Variants in SELENOP observed in about 807,000 individuals in gnomAD.
SELENOP encodes selenoprotein P.
A neutral mutation model predicts 41.0 loss-of-function variants in SELENOP; 36 were observed. That is an observed-to-expected ratio of 0.88 (90% CI 0.67 to 1.16). SELENOP has a LOEUF of 1.16. SELENOP is among the 50% of genes most tolerant of loss of function. SELENOP has a pLI of 0.00. For missense variants in SELENOP, 440 were observed against 454.2 expected (o/e 0.97, Z 0.28); for synonymous variants, 144 against 150.8 (o/e 0.95, Z 0.33).
chr5:42,804,393 G>A (rs1347393881), intron 4 of SELENOP, among the ~76,000 whole-genome samples: 2 of 152,118 alleles, frequency 1.3e-5, no homozygotes, highest in African/African-American at 4.8e-5. Context: ...CCCGGGAGGC[G>A]GAGCTTGCAG....
rs888775816 is a variant in SELENOP at position 42,800,540 on chromosome 5, T to C, written c.*180A>G. On this transcript the variant is annotated 3_prime_UTR_variant, in exon 5 of 5. Coordinates refer to ENST00000514985, the MANE Select transcript of SELENOP (RefSeq NM_005410.4). Reference sequence around the variant, plus strand: ...TTCAGTTGCTCCATCATAAAAAATATGGTTTGAGTCAATATTTCTATGACA... The same window carrying C: ...TTCAGTTGCTCCATCATAAAAAATACGGTTTGAGTCAATATTTCTATGACA... 3.0e-6 allele frequency: 2 copies of C among 666,842 alleles called. No individual in the cohort carries two copies. The highest frequency in any genetic ancestry group is 3.4e-5 in the Admixed American group (1 of 29,082). The allele number at this position is 666,842 out of a possible 1,614,324, so 41.3% of individuals were successfully genotyped here.
chr5:42,800,997 G>T lies in SELENOP; in HGVS notation c.869C>A (p.Pro290His). The T allele has an allele frequency of 6.2e-7, 1 of 1,614,122 alleles. No individual in the cohort carries two copies. Among genetic ancestry groups the T allele is most frequent in the South Asian group, 1.1e-5 (1 of 91,082 alleles). ...CCTAGGAGCCAACTCTGAATCTGTG[G>T]GCAATTTACAGAGTAATTGATTTAT... ...RCINQLLCKLPTDSELAPRSU... is the reference protein window; with the variant it reads ...RCINQLLCKLHTDSELAPRSU... The change falls in exon 5 of 5, where the codon CCC becomes CAC. Residue 290 changes from proline (P) to histidine (H), a missense_variant. By Grantham distance (77) the Pro-to-His change is moderately conservative. Coordinates refer to ENST00000514985, the MANE Select transcript of SELENOP (RefSeq NM_005410.4).
At chr5:42,808,947 G>A (rs1453252142) in intron 1 of SELENOP, among the ~76,000 whole-genome samples, 1 of 150,930 alleles carries the variant, frequency 6.6e-6, no homozygotes, top group Non-Finnish European at 1.5e-5. Context: ...AGAAGAAGAA[G>A]AAAGGGATAA....
At chr5:42,803,457 T>C (rs1303554552) in intron 4 of SELENOP, among the ~76,000 whole-genome samples, 1 of 152,170 alleles carries the variant, frequency 6.6e-6, no homozygotes, top group African/African-American at 2.4e-5. Context: ...ATTATAAAGA[T>C]TAAAATGTGA....
intron 4 of SELENOP, among the ~76,000 whole-genome samples, chr5:42,804,417 C>T (rs571636116): frequency 2.6e-5 from 4 of 152,140 alleles, no homozygotes; most frequent in African/African-American, 7.2e-5. Context: ...GCCGAGATCG[C>T]GCCACTGCAC....
At chr5:42,801,426 CTAGT>C (rs1760200024) in intron 4 of SELENOP, 95 bp from the exon 5 acceptor site, 1 of 941,328 alleles carries the variant, frequency 1.1e-6, no homozygotes, top group Non-Finnish European at 1.6e-6. Flanking sequence ...GAAATTCCAA[CTAGT>C]TAATTAGAAT....
At chr5:42,806,179 G>C (rs1465528024) in intron 3 of SELENOP, 1 of 152,234 alleles carries the variant, frequency 6.6e-6, no homozygotes, top group Non-Finnish European at 1.5e-5. Flanking sequence ...TGGCAGCAAG[G>C]CTGCCATACC....
chr5:42,809,801 A>C (rs1286014794), intron 1 of SELENOP: 2 of 949,362 alleles, frequency 2.1e-6, no homozygotes, highest in East Asian at 1.2e-4. Context: ...AGAGAGAGTG[A>C]GGTGAGAGAG....
At chr5:42,804,363 A>T (rs1486840845) in intron 4 of SELENOP, among the ~76,000 whole-genome samples, 1 of 152,196 alleles carries the variant, frequency 6.6e-6, no homozygotes, top group Non-Finnish European at 1.5e-5. Flanking sequence ...CGGGAGACTG[A>T]GGCAGGAGAA....
intron 2 of SELENOP, chr5:42,807,891 A>C: frequency 4.3e-6 from 1 of 232,984 alleles, no homozygotes; most frequent in East Asian, 8.5e-5. Context: ...TTACACAAGT[A>C]ATACATATTT....
At chr5:42,803,132 T>C (rs1165423757) in intron 4 of SELENOP, among the ~76,000 whole-genome samples, 1 of 152,052 alleles carries the variant, frequency 6.6e-6, no homozygotes, top group African/African-American at 2.4e-5. Context: ...AAAACTCCAA[T>C]CGGATTTGGC....
rs754855834 is a variant in SELENOP, at chr5:42,800,813, G to A, written c.1053C>T (p.Ala351=). 1.9e-6 allele frequency: 3 copies of A among 1,614,042 alleles called. No homozygotes were observed. The highest frequency in any genetic ancestry group is 2.7e-5 in the African/African-American group (2 of 74,934). The change falls in exon 5 of 5, where the codon GCC becomes GCT. Residue 351 remains alanine (A), a synonymous_variant. Coordinates refer to ENST00000514985, the MANE Select transcript of SELENOP (RefSeq NM_005410.4). ...ESCQURLPPA[A]UQISQQLIPT... is the part of the protein sequence containing the mutation. ...GTATAAGCTGCTGACTTATTTGTCA[G>A]GCAGCTGGAGGCAAACGTCACTGAC...
At chr5:42,802,560 T>G (rs1760231582) in intron 4 of SELENOP, among the ~76,000 whole-genome samples, 1 of 152,212 alleles carries the variant, frequency 6.6e-6, no homozygotes, top group Non-Finnish European at 1.5e-5. Flanking sequence ...ATGTTCAAAG[T>G]GTTCAAGGTT....
Position 42,808,280 on chromosome 5 carries a change from C to T in SELENOP, c.74G>A (p.Ser25Asn). 1 of 1,567,274 alleles carries T rather than the reference C, an allele frequency of 6.4e-7. No homozygotes were observed. Among genetic ancestry groups the T allele is most frequent in the Non-Finnish European group, 8.6e-7 (1 of 1,156,810 alleles). ...GGCTGGGGGTTGCTTACATAAGGAG[C>T]TTTGGTCCTGGCTCTCTGTTCCTCC... is the stretch of plus-strand genomic sequence containing the variant. ...PSGGTESQDQ[S>N]SLCKQPPAWS... The change falls in exon 2 of 5, where the codon AGC becomes AAC. Residue 25 changes from serine to asparagine, a missense_variant. Coordinates refer to ENST00000514985, the MANE Select transcript of SELENOP (RefSeq NM_005410.4).
intron 3 of SELENOP, chr5:42,806,084 A>T (rs1194949248): frequency 6.6e-6 from 1 of 152,242 alleles, no homozygotes; most frequent in African/African-American, 2.4e-5. Flanking sequence ...AAGAACCCAT[A>T]GAATTTGATT....
intron 1 of SELENOP, among the ~76,000 whole-genome samples, chr5:42,809,371 T>G (rs1760411888): frequency 6.6e-6 from 1 of 152,206 alleles, no homozygotes; most frequent in South Asian, 2.1e-4. Flanking sequence ...AAACTAGGGC[T>G]AGCTCTCTAA....
intron 1 of SELENOP, chr5:42,810,798 GAA>G: frequency 9.5e-7 from 1 of 1,050,626 alleles, no homozygotes; most frequent in Non-Finnish European, 1.2e-6. Context: ...GAATACAAAT[GAA>G]AAGACTGTTT....
rs747153232 is a variant in SELENOP, at chr5:42,807,035, C to T, written c.277G>A (p.Gly93Arg). The change falls in exon 3 of 5, where the codon GGA becomes AGA. Residue 93 changes from glycine (G) to arginine (R), a missense_variant. Coordinates refer to ENST00000514985, the MANE Select transcript of SELENOP (RefSeq NM_005410.4). ...GTGTATTTTAATCGAGAAGAGATTCCTTGATGATTAACAACAATATAAGAA... is the reference window on the plus strand; with the variant it reads ...GTGTATTTTAATCGAGAAGAGATTCTTTGATGATTAACAACAATATAAGAA... The part of the protein sequence containing the change: ...NISYIVVNHQ[G>R]ISSRLKYTHL... 15 of 1,578,386 alleles carry T rather than the reference C, an allele frequency of 9.5e-6. No individual in the cohort carries two copies. Among genetic ancestry groups the T allele is most frequent in the Admixed American group, 1.7e-5 (1 of 59,872 alleles).
chr5:42,804,560 A>G, intron 4 of SELENOP, 96 bp downstream of exon 4: 1 of 638,004 alleles, frequency 1.6e-6, no homozygotes, highest in South Asian at 2.4e-5. Flanking sequence ...TTTTTAGTAC[A>G]CCTGCAAAAG....
Sources: gnomAD v4.1 joint callset for allele counts (sites outside exome capture counted in the v4.1 genomes callset) on GRCh38, gnomAD v4.1.1 for gene constraint, MANE v1.5 for transcripts, NCBI Gene and HGNC (gene_info 2026-07-23, HGNC 2026-07-21) for gene names.